Variants in ZFAND2A observed in about 807,000 individuals in gnomAD.
The protein encoded by ZFAND2A is AN1-type zinc finger protein 2A.
In ZFAND2A, 20 loss-of-function variants were observed where a neutral mutation model predicts 11.6. The ratio of observed to expected loss-of-function variants is 1.72; its 90% CI spans 1.21 to 2.50. ZFAND2A has a LOEUF of 2.50. Ranked by LOEUF, ZFAND2A falls within the 30% of genes most tolerant of loss-of-function variation. ZFAND2A has a pLI of 0.00. For synonymous variants in ZFAND2A, 93 were observed against 60.6 expected, an observed-to-expected ratio of 1.54 and a Z score of -2.48; for missense variants, 234 against 182.9, an observed-to-expected ratio of 1.28 and a Z score of -1.61.
At chr7:1,151,763 A>C (rs73264947), downstream of ZFAND2A, among the ~76,000 whole-genome samples, 1 of 75,448 alleles carries the variant, frequency 1.3e-5, no homozygotes, top group African/African-American at 7.3e-5. Context: ...CATCCCTTTT[A>C]AAAAAAAAAA....
chr7:1,153,125 G>T lies in ZFAND2A; in HGVS notation c.382C>A (p.His128Asn). ...TGTCTGCAGCTGTGGTCCAAAGGGT[G>T]TCTGTGCTGGATACAGAAGTTGCCG... is the stretch of plus-strand genomic sequence containing the variant. Reference protein sequence around the residue: ...CHGNFCIQHRHPLDHSCRHGS... With the variant: ...CHGNFCIQHRNPLDHSCRHGS... Residue 128 changes from histidine (H) to asparagine (N), a missense_variant, in exon 5 of 5, where the codon CAC becomes AAC. Transcript: ENST00000316495. The T allele has an allele frequency of 6.2e-7, 1 of 1,614,234 alleles. No homozygotes were observed. The highest frequency in any genetic ancestry group is 8.5e-7 in the Non-Finnish European group (1 of 1,180,056).
rs1793658488 is a variant in ZFAND2A at position 1,160,174 on chromosome 7, G to C, written c.-256C>G. ...TACGGGGATTTATCCGCAGCCCCCG[G>C]ATCTGAGAGCCGTCTGGGCCTTGGG... On this transcript the variant is annotated 5_prime_UTR_variant, in exon 1 of 5. It adds an upstream start codon to the 5' untranslated region. Transcript: ENST00000316495. 6.6e-6 allele frequency: 1 copy of C among 152,288 alleles called. No individual in the cohort carries two copies. The highest frequency in any genetic ancestry group is 2.4e-5 in the African/African-American group (1 of 41,446). The allele number at this position is 152,288 out of a possible 1,614,324, so 9.4% of individuals were successfully genotyped here. A position where few individuals can be genotyped will look rare whatever the true frequency, so the allele number is the denominator to read the frequency against.
chr7:1,158,144 T>C lies in ZFAND2A; in HGVS notation c.55+14A>G. 1 of 1,613,226 alleles carries C rather than the reference T, an allele frequency of 6.2e-7. No individual in the cohort carries two copies. The highest frequency in any genetic ancestry group is 8.5e-7 in the Non-Finnish European group (1 of 1,179,432). On this transcript the variant is annotated intron_variant, in intron 2 of 4. Transcript: ENST00000316495. Reference sequence around the variant, plus strand: ...AAAATACCATTTTCTATTAAGTCTCTTAAAAGTACTCACCTAGCTGCTTGC... The same window carrying C: ...AAAATACCATTTTCTATTAAGTCTCCTAAAAGTACTCACCTAGCTGCTTGC...
At chr7:1,152,116 T>TC (rs1793409779), downstream of ZFAND2A, 5 of 1,235,996 alleles carry the variant, frequency 4.0e-6, no homozygotes, top group African/African-American at 1.5e-5. Flanking sequence ...CCTGTGTCCT[T>TC]CATCCATCCT....
chr7:1,154,374 G>C (rs1013682105), intron 4 of ZFAND2A, among the ~76,000 whole-genome samples: 2 of 152,198 alleles, frequency 1.3e-5, no homozygotes, highest in African/African-American at 4.8e-5. Context: ...CAGGGATGCA[G>C]GCAGAACACA....
rs752879534 is a variant in ZFAND2A at position 1,158,243 on chromosome 7, GGAGTT to G, written c.-36_-32del. 41 of 1,605,382 alleles carry G rather than the reference GGAGTT, an allele frequency of 2.6e-5. No homozygotes were observed. Among genetic ancestry groups the G allele is most frequent in the Non-Finnish European group, 3.3e-5 (39 of 1,173,066 alleles). On this transcript the variant is annotated 5_prime_UTR_variant, in exon 2 of 5. It removes the in-frame stop codon of an upstream open reading frame in the 5' UTR. Transcript: ENST00000316495. ...GAACAGTGCTCAAAACGCAGATGGC[GGAGTT>G]AAGTGTCACCTACAAGAGAATCAGA... is the stretch of plus-strand genomic sequence containing the variant.
Position 1,157,241 on chromosome 7 carries a change from G to A in ZFAND2A, c.150+415C>T, listed in dbSNP as rs113229800. 663 of 154,540 alleles carry A rather than the reference G, an allele frequency of 4.3e-3. 4 individuals carry two copies. Among genetic ancestry groups the A allele is most frequent in the African/African-American group, 0.015 (610 of 41,610 alleles). The allele number at this position is 154,540 out of a possible 1,614,324, so 9.6% of individuals were successfully genotyped here. A position where few individuals can be genotyped will look rare whatever the true frequency, so the allele number is the denominator to read the frequency against. ...GCTGCAGTTATTCAAATCAATAAGC[G>A]TATTTACTGCCTTCCTGATTGGCTT... On this transcript the variant is annotated intron_variant, in intron 3 of 4. Coordinates refer to ENST00000316495, the MANE Select transcript of ZFAND2A (RefSeq NM_182491.4).
At chr7:1,153,435 G>T (rs1317047306) in intron 4 of ZFAND2A, among the ~76,000 whole-genome samples, 1 of 152,116 alleles carries the variant, frequency 6.6e-6, no homozygotes, top group Admixed American at 6.6e-5. Context: ...ACAGAGATGG[G>T]GTCTTGCCAT....
chr7:1,160,071 C>T lies in ZFAND2A; in HGVS notation c.-153G>A, dbSNP rs1793651759. On this transcript the variant is annotated 5_prime_UTR_variant, in exon 1 of 5. Coordinates refer to ENST00000316495, the MANE Select transcript of ZFAND2A (RefSeq NM_182491.4). The stretch of plus-strand genomic sequence containing the variant: ...GCTCCGGGTAGCTAAGCAGAAAGAA[C>T]CTCGACACTGGCACCGAGACGCCGT... The T allele has an allele frequency of 6.5e-6, 1 of 153,202 alleles. No homozygotes were observed. The highest frequency in any genetic ancestry group is 1.5e-5 in the Non-Finnish European group (1 of 68,376). The allele number at this position is 153,202 out of a possible 1,614,324, so 9.5% of individuals were successfully genotyped here.
chr7:1,157,812 T>C lies in ZFAND2A; in HGVS notation c.56-62A>G, dbSNP rs79661915. On this transcript the variant is annotated intron_variant, in intron 2 of 4. Transcript: ENST00000316495. ...GGAACAAAATACTTCCAGATAGTAC[T>C]ATCAAAGTGTTTACCTACACTAAGT... 24,410 of 1,278,366 alleles carry C rather than the reference T, an allele frequency of 0.019. 1,250 individuals are homozygous for C. The East Asian group carries it at 0.22, about 11-fold the overall frequency. The allele number at this position is 1,278,366 out of a possible 1,614,324, so 79.2% of individuals were successfully genotyped here.
In ZFAND2A at chr7:1,154,224, G is replaced by A. The variant is rs181081799; in HGVS notation, c.283-1000C>T. 1.8e-3 allele frequency among the ~76,000 whole-genome samples: 273 copies of A among 148,868 alleles called. 1 individual carries two copies. Among genetic ancestry groups the A allele is most frequent in the African/African-American group, 6.5e-3 (260 of 40,150 alleles). ...TTTTTGGTGCCAGGATGTAGGCAGCGATATAAAGTCCTAGGAGTCAGAACT... is the reference window on the plus strand; with the variant it reads ...TTTTTGGTGCCAGGATGTAGGCAGCAATATAAAGTCCTAGGAGTCAGAACT... On this transcript the variant is annotated intron_variant, in intron 4 of 4. Transcript: ENST00000316495.
Position 1,153,118 on chromosome 7 carries a change from A to G in ZFAND2A, c.389T>C (p.Leu130Ser), listed in dbSNP as rs779796527. The change falls in exon 5 of 5, where the codon TTG (leucine) becomes TCG (serine). Residue 130 changes from leucine (L) to serine (S), a missense_variant. By Grantham distance (145) the Leu-to-Ser change is moderately radical (BLOSUM62 -2). Coordinates refer to ENST00000316495, the MANE Select transcript of ZFAND2A (RefSeq NM_182491.4). The part of the protein sequence containing the change: ...GNFCIQHRHP[L>S]DHSCRHGSRP... ...ACTCCCGTGTCTGCAGCTGTGGTCC[A>G]AAGGGTGTCTGTGCTGGATACAGAA... 6.2e-7 allele frequency: 1 copy of G among 1,614,194 alleles called. No homozygotes were observed. Among genetic ancestry groups the G allele is most frequent in the African/African-American group, 1.3e-5 (1 of 75,048 alleles).
chr7:1,155,624 C>T (rs750792584), intron 3 of ZFAND2A, 40 bp from the exon 4 acceptor site: 1 of 1,602,514 alleles, frequency 6.2e-7, no homozygotes, highest in Non-Finnish European at 8.5e-7. Flanking sequence ...GAGACTCATG[C>T]AACTTAAACT....
downstream of ZFAND2A, chr7:1,152,490 G>A: frequency 1.0e-6 from 1 of 993,408 alleles, no homozygotes. Context: ...GGCAAATACA[G>A]ATGCTTCTCG....
chr7:1,156,692 C>G (rs1793533439), intron 3 of ZFAND2A, among the ~76,000 whole-genome samples: 1 of 152,244 alleles, frequency 6.6e-6, no homozygotes, highest in Non-Finnish European at 1.5e-5. Flanking sequence ...TGGCAACCGA[C>G]ATGGAACGGG....
downstream of ZFAND2A, chr7:1,152,458 C>A: frequency 7.7e-7 from 1 of 1,294,404 alleles, no homozygotes; most frequent in Non-Finnish European, 1.0e-6. Flanking sequence ...GGACGCCAGA[C>A]ACCACCAGGT....
chr7:1,152,694 A>C (rs1296228701), downstream of ZFAND2A, among the ~76,000 whole-genome samples: 2 of 151,784 alleles, frequency 1.3e-5, no homozygotes, highest in Non-Finnish European at 2.9e-5. Flanking sequence ...GTGAAGATGA[A>C]GGTGGAGACG....
intron 2 of ZFAND2A, 71 bp from the exon 3 acceptor site, chr7:1,157,821 GT>G: frequency 8.3e-7 from 1 of 1,201,868 alleles, no homozygotes; most frequent in South Asian, 1.5e-5. Context: ...CTATCAAAGT[GT>G]TTACCTACAC....
intron 4 of ZFAND2A, among the ~76,000 whole-genome samples, chr7:1,154,476 G>A (rs945076869): frequency 6.6e-6 from 1 of 152,168 alleles, no homozygotes; most frequent in Non-Finnish European, 1.5e-5. Flanking sequence ...TGCTGGGTGA[G>A]CCCCCAGCAA....
Sources: allele counts gnomAD v4.1 joint callset (sites outside exome capture counted in the v4.1 genomes callset), GRCh38; gene constraint gnomAD v4.1.1; transcripts MANE v1.5; gene names NCBI Gene and HGNC (gene_info 2026-07-23, HGNC 2026-07-21).